LRRC4C: variants seen among roughly 807,000 people sequenced by gnomAD.
LRRC4C encodes the protein leucine-rich repeat-containing protein 4C.
LRRC4C carries 5 observed loss-of-function variants against 33.6 expected under a neutral mutation model. The observed-to-expected ratio is 0.15, with a 90% CI of 0.08 to 0.31. The LOEUF (loss-of-function observed/expected upper bound fraction) is 0.31. Among genes scored for constraint, LRRC4C ranks in the 10% least tolerant of loss-of-function variants. The pLI, the probability that LRRC4C is intolerant of heterozygous loss-of-function variation, is 1.00. For missense variants in LRRC4C, 560 were observed against 796.7 expected (o/e 0.70, Z 3.58); for synonymous variants, 329 against 302.0 (o/e 1.09, Z -0.93).
chr11:40,177,645 G>A (rs938087714), intron 5 of LRRC4C, among the ~76,000 whole-genome samples: 17 of 151,974 alleles, frequency 1.1e-4, no homozygotes, highest in African/African-American at 3.9e-4. Context: ...AACCTTCCCT[G>A]AGCAATTCGT....
intron 3 of LRRC4C, among the ~76,000 whole-genome samples, chr11:40,491,090 C>T (rs901881736): frequency 2.0e-5 from 3 of 152,104 alleles, no homozygotes; most frequent in African/African-American, 4.8e-5. Context: ...AGAGACCAGC[C>T]TGATCAACAT....
At chr11:41,250,985 A>G (rs1048510055) in intron 1 of LRRC4C, among the ~76,000 whole-genome samples, 7 of 152,204 alleles carry the variant, frequency 4.6e-5, no homozygotes, top group Non-Finnish European at 8.8e-5. Flanking sequence ...TAGTTCTCTT[A>G]TATTTTACAT....
chr11:40,448,604 T>C (rs369644195), intron 3 of LRRC4C, among the ~76,000 whole-genome samples: 1 of 152,232 alleles, frequency 6.6e-6, no homozygotes, highest in Non-Finnish European at 1.5e-5. Context: ...AGCTGCATAG[T>C]ATTCCATGGT....
At chr11:41,212,795 T>A (rs1946877716) in intron 1 of LRRC4C, among the ~76,000 whole-genome samples, 1 of 152,230 alleles carries the variant, frequency 6.6e-6, no homozygotes, top group Admixed American at 6.5e-5. Flanking sequence ...TCTCATTCCT[T>A]TTCATGGCTG....
At chr11:40,332,960 G>T (rs544412256) in intron 3 of LRRC4C, among the ~76,000 whole-genome samples, 6 of 152,068 alleles carry the variant, frequency 3.9e-5, no homozygotes, top group Non-Finnish European at 8.8e-5. Context: ...TTATTTAAAC[G>T]CAGGGACCAT....
intron 2 of LRRC4C, among the ~76,000 whole-genome samples, chr11:40,839,740 G>A (rs1209574673): frequency 6.6e-6 from 1 of 152,156 alleles, no homozygotes; most frequent in Admixed American, 6.5e-5. Flanking sequence ...ACTGTTAAAC[G>A]CTAAGGCAGT....
At chr11:40,985,259 G>C (rs918051253) in intron 1 of LRRC4C, among the ~76,000 whole-genome samples, 1 of 152,022 alleles carries the variant, frequency 6.6e-6, no homozygotes, top group Non-Finnish European at 1.5e-5. Context: ...AGAATGGCCA[G>C]TCATTAAAAT....
chr11:40,808,858 C>T (rs1186769124), intron 2 of LRRC4C, among the ~76,000 whole-genome samples: 1 of 152,172 alleles, frequency 6.6e-6, no homozygotes, highest in African/African-American at 2.4e-5. Flanking sequence ...CACATATCTA[C>T]ATGCATCTGA....
At chr11:40,395,648 G>A (rs1330070351) in intron 3 of LRRC4C, among the ~76,000 whole-genome samples, 1 of 152,012 alleles carries the variant, frequency 6.6e-6, no homozygotes, top group East Asian at 1.9e-4. Context: ...ACTTTTTTGT[G>A]TGTGCTATTC....
intron 1 of LRRC4C, among the ~76,000 whole-genome samples, chr11:41,019,597 C>T (rs1369292438): frequency 1.3e-5 from 2 of 152,114 alleles, no homozygotes; most frequent in African/African-American, 2.4e-5. Flanking sequence ...AATCACCACA[C>T]TGTCTTCCAC....
At chr11:40,683,985 C>G (rs539633182) in intron 2 of LRRC4C, among the ~76,000 whole-genome samples, 1 of 152,286 alleles carries the variant, frequency 6.6e-6, no homozygotes, top group East Asian at 1.9e-4. Context: ...ATCACTGGTA[C>G]AACTCTTATA....
chr11:40,595,205 A>C (rs932812566), intron 3 of LRRC4C, among the ~76,000 whole-genome samples: 1 of 151,982 alleles, frequency 6.6e-6, no homozygotes, highest in African/African-American at 2.4e-5. Flanking sequence ...TCAAGGATAA[A>C]ATTTTACAAA....
intron 2 of LRRC4C, among the ~76,000 whole-genome samples, chr11:40,877,656 C>G (rs1954970994): frequency 6.6e-6 from 1 of 152,158 alleles, no homozygotes; most frequent in African/African-American, 2.4e-5. Flanking sequence ...TAAAGGGCTT[C>G]TTAGATTTAG....
chr11:40,699,728 C>T (rs1179193514), intron 2 of LRRC4C, among the ~76,000 whole-genome samples: 2 of 152,128 alleles, frequency 1.3e-5, no homozygotes, highest in Non-Finnish European at 2.9e-5. Context: ...TACACGTTTC[C>T]CTAAGGAATA....
intron 2 of LRRC4C, among the ~76,000 whole-genome samples, chr11:40,911,044 CTGGGAAGCTCGAACTGGG>C (rs1262479160): frequency 2.6e-5 from 4 of 152,180 alleles, no homozygotes; most frequent in Non-Finnish European, 4.4e-5. Context: ...AACAAAGCTG[CTGGGAAGCTCGAACTGGG>C]TGGAGCCCAC....
At chr11:40,750,680 C>CATTAGGAG (rs1233075811) in intron 2 of LRRC4C, among the ~76,000 whole-genome samples, 4 of 149,190 alleles carry the variant, frequency 2.7e-5, no homozygotes, top group Non-Finnish European at 5.9e-5. Flanking sequence ...GGAGGGACAG[C>CATTAGGAG]ATTAGGAGAT....
chr11:41,229,155 C>T (rs917387161), intron 1 of LRRC4C, among the ~76,000 whole-genome samples: 4 of 151,982 alleles, frequency 2.6e-5, no homozygotes, highest in Non-Finnish European at 4.4e-5. Context: ...TGTTGAAGGC[C>T]TAACCTCTTA....
At chr11:41,337,219 C>CA (rs1256722476) in intron 1 of LRRC4C, among the ~76,000 whole-genome samples, 1 of 151,716 alleles carries the variant, frequency 6.6e-6, no homozygotes, top group Non-Finnish European at 1.5e-5. Flanking sequence ...GAACTAAAAA[C>CA]AAAAAATTAA....
At chr11:40,687,989 T>G (rs1206588479) in intron 2 of LRRC4C, among the ~76,000 whole-genome samples, 1 of 52,382 alleles carries the variant, frequency 1.9e-5, no homozygotes, top group Non-Finnish European at 6.1e-5. Context: ...CTTTACAGAC[T>G]TTTTTTTTTT....
Sources: allele counts gnomAD v4.1 joint callset (sites outside exome capture counted in the v4.1 genomes callset), GRCh38; gene constraint gnomAD v4.1.1; transcripts MANE v1.5; gene names NCBI Gene and HGNC (gene_info 2026-07-23, HGNC 2026-07-21).